The following SCAI variants were observed in gnomAD, a reference collection of about 807,000 sequenced individuals.
The protein encoded by SCAI is protein SCAI.
A neutral mutation model predicts 92.2 loss-of-function variants in SCAI; 24 were observed. The observed-to-expected ratio is 0.26, with a 90% confidence interval of 0.19 to 0.37. SCAI has a LOEUF of 0.37. SCAI is among the 10% of genes least tolerant of loss of function. The pLI is 1.00. For synonymous variants in SCAI, 261 were observed against 258.6 expected, an observed-to-expected ratio of 1.01 and a Z score of -0.09; for missense variants, 450 against 736.2, an observed-to-expected ratio of 0.61 and a Z score of 4.50.
intron 2 of SCAI, among the ~76,000 whole-genome samples, chr9:125,116,155 A>G (rs572038784): frequency 2.0e-5 from 3 of 152,346 alleles, no homozygotes; most frequent in South Asian, 4.1e-4. Context: ...ATTGCACTCC[A>G]GCTTGGGTGA....
At chr9:125,022,213 CGTT>C (rs1336771110) in intron 6 of SCAI, among the ~76,000 whole-genome samples, 7 of 152,088 alleles carry the variant, frequency 4.6e-5, no homozygotes, top group Non-Finnish European at 7.4e-5. Context: ...CATAATGCTA[CGTT>C]ATTAGGTATA....
At chr9:125,050,233 T>C (rs944902245) in intron 3 of SCAI, among the ~76,000 whole-genome samples, 1 of 152,124 alleles carries the variant, frequency 6.6e-6, no homozygotes, top group African/African-American at 2.4e-5. Context: ...TCTTCTTCTC[T>C]ATAAGGGCCA....
At chr9:125,051,332 T>C (rs1292695913) in intron 3 of SCAI, among the ~76,000 whole-genome samples, 2 of 152,188 alleles carry the variant, frequency 1.3e-5, no homozygotes, top group Non-Finnish European at 2.9e-5. Context: ...CAATTATATC[T>C]TATTTAAATT....
chr9:125,103,820 G>A (rs1834725342), intron 2 of SCAI, among the ~76,000 whole-genome samples: 1 of 152,168 alleles, frequency 6.6e-6, no homozygotes, highest in Non-Finnish European at 1.5e-5. Context: ...CTTGGCCTCT[G>A]TATTAAAAGA....
At chr9:124,967,171 C>T (rs573808000) in intron 17 of SCAI, among the ~76,000 whole-genome samples, 2 of 152,062 alleles carry the variant, frequency 1.3e-5, no homozygotes, top group African/African-American at 2.4e-5. Flanking sequence ...CAATAAAGGA[C>T]GGCTGTAATT....
rs987405107 is a variant in SCAI at position 124,947,537 on chromosome 9, A to G, written c.*5270T>C. 4 of 152,208 alleles carry G rather than the reference A, an allele frequency of 2.6e-5. No individual in the cohort carries two copies. Among genetic ancestry groups the G allele is most frequent in the Admixed American group, 6.5e-5 (1 of 15,270 alleles). The allele number at this position is 152,208 out of a possible 1,614,324, so 9.4% of individuals were successfully genotyped here. A position where few individuals can be genotyped will look rare whatever the true frequency, so the allele number is the denominator to read the frequency against. The stretch of plus-strand genomic sequence containing the variant: ...TAATTACAGCAGCATGAACAATGCC[A>G]CTAGGATGTCCTCACAGAACTTAAA... On this transcript the variant is annotated 3_prime_UTR_variant, in exon 18 of 18. Coordinates refer to ENST00000336505, the MANE Select transcript of SCAI (RefSeq NM_001144877.3).
At chr9:125,062,563 C>A (rs1486221758) in intron 2 of SCAI, among the ~76,000 whole-genome samples, 5 of 150,144 alleles carry the variant, frequency 3.3e-5, no homozygotes, top group African/African-American at 1.2e-4. Flanking sequence ...CCAGCCTGAC[C>A]AACATGGTGA....
At chr9:125,119,138 C>A (rs1388193550) in intron 2 of SCAI, among the ~76,000 whole-genome samples, 12 of 152,304 alleles carry the variant, frequency 7.9e-5, no homozygotes, top group Non-Finnish European at 5.9e-5. Flanking sequence ...AGACCAAGAT[C>A]CCATCTCTAT....
intron 2 of SCAI, chr9:125,065,851 T>C (rs2131153090): frequency 1.7e-6 from 1 of 578,934 alleles, no homozygotes; most frequent in Admixed American, 3.7e-5. Context: ...GCTCAACAGA[T>C]GCACAACTCA....
chr9:125,114,576 A>G (rs1398724391), intron 2 of SCAI, among the ~76,000 whole-genome samples: 1 of 152,038 alleles, frequency 6.6e-6, no homozygotes, highest in African/African-American at 2.4e-5. Context: ...TATGACCTAG[A>G]ATTTCTTTAG....
intron 9 of SCAI, among the ~76,000 whole-genome samples, chr9:125,015,429 A>T (rs1832737464): frequency 6.6e-6 from 1 of 152,228 alleles, no homozygotes; most frequent in Non-Finnish European, 1.5e-5. Flanking sequence ...AACACATGAA[A>T]AAATGCTCAC....
intron 3 of SCAI, among the ~76,000 whole-genome samples, chr9:125,042,390 C>T (rs1050795661): frequency 1.3e-5 from 2 of 151,956 alleles, no homozygotes; most frequent in African/African-American, 4.8e-5. Flanking sequence ...TGTAAATCCC[C>T]CATCTTTACT....
chr9:125,055,503 A>G (rs138097958), intron 3 of SCAI, among the ~76,000 whole-genome samples: 2 of 152,320 alleles, frequency 1.3e-5, no homozygotes, highest in Admixed American at 6.5e-5. Flanking sequence ...AGAAACAAGC[A>G]AGTAAACAAA....
intron 3 of SCAI, among the ~76,000 whole-genome samples, chr9:125,036,398 G>A (rs2131099991): frequency 6.6e-6 from 1 of 152,210 alleles, no homozygotes; most frequent in African/African-American, 2.4e-5. Flanking sequence ...TATCAAAGGA[G>A]AATGTATAAA....
At chr9:125,133,962 T>C (rs1036635332) in intron 2 of SCAI, among the ~76,000 whole-genome samples, 1 of 152,194 alleles carries the variant, frequency 6.6e-6, no homozygotes, top group Non-Finnish European at 1.5e-5. Context: ...CCAAAATGTC[T>C]CCAGACATTC....
chr9:125,055,703 GT>G (rs1157144916), intron 3 of SCAI, among the ~76,000 whole-genome samples, 172 bp downstream of exon 3: 8 of 151,822 alleles, frequency 5.3e-5, no homozygotes, highest in African/African-American at 1.2e-4. Flanking sequence ...TTTTCCTATT[GT>G]TTTTTTATCC....
At position 125,002,488 on chromosome 9, in the gene SCAI, G is replaced by GT. The variant is rs58586769; in HGVS notation, c.1066-446dup. On this transcript the variant is annotated intron_variant, in intron 11 of 17. Transcript: ENST00000336505. ...ACACTCTGCTTTTGTTTTTTAGTCT[G>GT]TTTTTTTTTTTGAAACAGAGTTTCA... Among the ~76,000 whole-genome samples the GT allele has an allele frequency of 1.4e-3, 169 of 125,030 alleles. 6 individuals are homozygous for GT. In the Middle Eastern group the frequency reaches 0.02, roughly 15 times the overall value. 82.0% of individuals were successfully genotyped at this position (125,030 alleles called of 152,430 possible).
intron 14 of SCAI, among the ~76,000 whole-genome samples, chr9:124,990,263 C>T (rs1554777926): frequency 1.3e-5 from 2 of 151,786 alleles, no homozygotes; most frequent in African/African-American, 2.4e-5. Flanking sequence ...CCGAGGTAGG[C>T]GGATCACCTC....
At position 124,947,010 on chromosome 9, in the gene SCAI, T is replaced by C. The variant is rs924629721; in HGVS notation, c.*5797A>G. The C allele has an allele frequency of 1.3e-5, 2 of 152,168 alleles. No homozygotes were observed. The highest frequency in any genetic ancestry group is 4.8e-5 in the African/African-American group (2 of 41,438). The allele number at this position is 152,168 out of a possible 1,614,324, so 9.4% of individuals were successfully genotyped here. The stretch of plus-strand genomic sequence containing the variant: ...CTCACTAAATCCTATCCTACTTAGG[T>C]TAGGCCATCCCTTAGCTAATGCCCC... On this transcript the variant is annotated 3_prime_UTR_variant, in exon 18 of 18. Coordinates refer to ENST00000336505, the MANE Select transcript of SCAI (RefSeq NM_001144877.3).
Sources: gnomAD v4.1 joint callset for allele counts (sites outside exome capture counted in the v4.1 genomes callset) on GRCh38, gnomAD v4.1.1 for gene constraint, MANE v1.5 for transcripts, NCBI Gene and HGNC (gene_info 2026-07-23, HGNC 2026-07-21) for gene names.